IL1RAPL2: variants seen among roughly 807,000 people sequenced by gnomAD.
The protein encoded by IL1RAPL2 is X-linked interleukin-1 receptor accessory protein-like 2.
Under a neutral mutation model 44.1 loss-of-function variants are expected in IL1RAPL2, and 3 were observed. That is an observed-to-expected ratio of 0.07 (90% CI 0.03 to 0.18). The LOEUF (loss-of-function observed/expected upper bound fraction) is 0.18, where lower values mean the gene tolerates loss of function less well. Among genes scored for constraint, IL1RAPL2 ranks in the 10% least tolerant of loss-of-function variants. The pLI, the probability that IL1RAPL2 is intolerant of heterozygous loss-of-function variation, is 1.00. For synonymous variants in IL1RAPL2, 181 were observed against 178.8 expected, an observed-to-expected ratio of 1.01 and a Z score of -0.10; for missense variants, 391 against 496.4, an observed-to-expected ratio of 0.79 and a Z score of 2.02.
chrX:105,480,141 A>G (rs897409499), intron 5 of IL1RAPL2, among the ~76,000 whole-genome samples: 5 of 112,514 alleles, frequency 4.4e-5, no homozygotes, highest in African/African-American at 1.6e-4. Context: ...GAAAGTTGTC[A>G]TAACAGTAGG....
intron 6 of IL1RAPL2, among the ~76,000 whole-genome samples, chrX:105,527,334 TACCAA>T (rs1292146362): frequency 9.0e-6 from 1 of 111,098 alleles, no homozygotes; most frequent in African/African-American, 3.3e-5. Flanking sequence ...TCAGTGTCTC[TACCAA>T]GTAAATAATG....
chrX:105,038,624 G>C (rs1251200387), intron 2 of IL1RAPL2, among the ~76,000 whole-genome samples: 1 of 108,618 alleles, frequency 9.2e-6, no homozygotes, highest in Non-Finnish European at 1.9e-5. Context: ...GAGGTTTTGG[G>C]GTACAGATTA....
At chrX:105,510,354 A>G (rs1325949565) in intron 6 of IL1RAPL2, among the ~76,000 whole-genome samples, 1 of 110,832 alleles carries the variant, frequency 9.0e-6, no homozygotes, top group Non-Finnish European at 1.9e-5. Context: ...GGTGGCATGC[A>G]TGTATGTATG....
chrX:105,680,738 A>G (rs1170693404), intron 6 of IL1RAPL2, among the ~76,000 whole-genome samples: 1 of 112,312 alleles, frequency 8.9e-6, no homozygotes, highest in Non-Finnish European at 1.9e-5. Context: ...CTAAATTATT[A>G]TAAGTTGTAG....
At chrX:105,425,898 C>A (rs2035806076) in intron 5 of IL1RAPL2, among the ~76,000 whole-genome samples, 1 of 110,323 alleles carries the variant, frequency 9.1e-6, no homozygotes, top group African/African-American at 3.3e-5. Flanking sequence ...AAGCCCAGAC[C>A]CCTGTCAGGA....
chrX:105,084,639 G>T (rs919051609), intron 2 of IL1RAPL2, among the ~76,000 whole-genome samples: 7 of 112,409 alleles, frequency 6.2e-5, no homozygotes, highest in African/African-American at 1.6e-4. Flanking sequence ...ATAGGCAGAG[G>T]GGACTAGTGT....
At chrX:104,671,299 C>G in intron 2 of IL1RAPL2, among the ~76,000 whole-genome samples, 1 of 111,116 alleles carries the variant, frequency 9.0e-6, no homozygotes, top group East Asian at 2.8e-4. Flanking sequence ...CCTCTTCACA[C>G]AAGAGCCATC....
At chrX:104,745,684 TA>T (rs1932162281) in intron 2 of IL1RAPL2, among the ~76,000 whole-genome samples, 1 of 111,911 alleles carries the variant, frequency 8.9e-6, no homozygotes, top group Admixed American at 9.5e-5. Flanking sequence ...ATGATAATTT[TA>T]GCATTTTCAG....
chrX:104,898,243 G>T (rs960938102), intron 2 of IL1RAPL2, among the ~76,000 whole-genome samples: 3 of 111,662 alleles, frequency 2.7e-5, no homozygotes, highest in Non-Finnish European at 3.8e-5. Flanking sequence ...ACAATAGTGG[G>T]ATAGCATTAA....
intron 2 of IL1RAPL2, among the ~76,000 whole-genome samples, chrX:105,138,995 A>G (rs368846739): frequency 2.7e-5 from 3 of 111,348 alleles, no homozygotes; most frequent in African/African-American, 9.8e-5. Flanking sequence ...AAAGAGAAAT[A>G]AATCTCTCTC....
rs750482723 is a variant in IL1RAPL2 at position 105,455,608 on chromosome X, T to G, written c.698-28705T>G. Among the ~76,000 whole-genome samples, 5 of 111,758 alleles carry G rather than the reference T, an allele frequency of 4.5e-5. No individual in the cohort carries two copies. In the South Asian group the frequency reaches 1.9e-3, roughly 42 times the overall value. On this transcript the variant is annotated intron_variant, in intron 5 of 10. Coordinates refer to ENST00000372582, the MANE Select transcript of IL1RAPL2 (RefSeq NM_017416.2). ...TTCCCCATTGCTTGTTTTTGTCAGGTTTGTCAAAGATCCGATAGTTGTAGG... is the reference window on the plus strand; with the variant it reads ...TTCCCCATTGCTTGTTTTTGTCAGGGTTGTCAAAGATCCGATAGTTGTAGG...
intron 2 of IL1RAPL2, among the ~76,000 whole-genome samples, chrX:104,992,325 A>C (rs773604029): frequency 3.6e-5 from 4 of 111,351 alleles, no homozygotes; most frequent in Non-Finnish European, 7.6e-5. Context: ...GGAGAGGTAC[A>C]CAGAGGGGTA....
At chrX:104,870,664 C>A (rs1479745298) in intron 2 of IL1RAPL2, among the ~76,000 whole-genome samples, 1 of 111,774 alleles carries the variant, frequency 8.9e-6, no homozygotes, top group East Asian at 2.8e-4. Flanking sequence ...TTGTAACTTT[C>A]TCTTACACTA....
At chrX:105,636,662 C>G (rs1309866655) in intron 6 of IL1RAPL2, among the ~76,000 whole-genome samples, 1 of 111,587 alleles carries the variant, frequency 9.0e-6, no homozygotes, top group Non-Finnish European at 1.9e-5. Flanking sequence ...ACAGAGTTCA[C>G]ATCCCCAAAG....
At chrX:105,267,628 C>CT (rs2034413634) in intron 5 of IL1RAPL2, 87 bp downstream of exon 5, 2 of 710,570 alleles carry the variant, frequency 2.8e-6, no homozygotes, top group South Asian at 6.3e-5. Flanking sequence ...AAAGAGTCAA[C>CT]TTTCTGTGAA....
At chrX:105,447,348 AAT>A (rs1421939145) in intron 5 of IL1RAPL2, among the ~76,000 whole-genome samples, 1 of 66,760 alleles carries the variant, frequency 1.5e-5, no homozygotes, top group African/African-American at 6.3e-5. Context: ...TAAATATATA[AAT>A]ATATAAATAT....
intron 1 of IL1RAPL2, among the ~76,000 whole-genome samples, chrX:104,653,699 C>T (rs951713219): frequency 1.8e-5 from 2 of 110,991 alleles, no homozygotes; most frequent in African/African-American, 6.6e-5. Context: ...AAAAGAGGAT[C>T]CTACCAAGCA....
chrX:105,309,749 G>A (rs1569421903), intron 5 of IL1RAPL2, among the ~76,000 whole-genome samples: 1 of 106,673 alleles, frequency 9.4e-6, no homozygotes, highest in African/African-American at 3.5e-5. Flanking sequence ...AAAAAAATCT[G>A]TTTTTAAAAT....
At chrX:105,739,807 A>G (rs2147575098) in intron 7 of IL1RAPL2, among the ~76,000 whole-genome samples, 1 of 97,221 alleles carries the variant, frequency 1.0e-5, no homozygotes, top group South Asian at 5.6e-4. Flanking sequence ...TGCAGTAAAC[A>G]TACGTGTGCA....
Sources: gnomAD v4.1 joint callset for allele counts (sites outside exome capture counted in the v4.1 genomes callset) on GRCh38, gnomAD v4.1.1 for gene constraint, MANE v1.5 for transcripts, NCBI Gene and HGNC (gene_info 2026-07-23, HGNC 2026-07-21) for gene names.